Variants in NMNAT2 observed in about 807,000 individuals in gnomAD.
NMNAT2 encodes nicotinamide nucleotide adenylyltransferase 2.
Under a neutral mutation model 41.6 loss-of-function variants are expected in NMNAT2, and 11 were observed. The observed-to-expected ratio is 0.26, with a 90% CI of 0.17 to 0.44. The LOEUF is 0.44. Among genes scored for constraint, NMNAT2 ranks in the 20% least tolerant of loss-of-function variants. The pLI is 1.00. For missense variants in NMNAT2, 288 were observed against 407.7 expected (o/e 0.71, Z 2.53); for synonymous variants, 148 against 151.2 (o/e 0.98, Z 0.16).
intron 8 of NMNAT2, among the ~76,000 whole-genome samples, chr1:183,277,343 C>A (rs184076983): frequency 1.3e-5 from 2 of 151,554 alleles, no homozygotes; most frequent in African/African-American, 4.9e-5. Flanking sequence ...ATTAGCTGGG[C>A]GTGGTGGCAG....
At chr1:183,284,486 A>C (rs1661349262) in intron 6 of NMNAT2, among the ~76,000 whole-genome samples, 2 of 152,170 alleles carry the variant, frequency 1.3e-5, no homozygotes, top group South Asian at 4.1e-4. Context: ...CACATGGTGG[A>C]ATGTAGCAAG....
At chr1:183,341,957 T>A (rs1439699758) in intron 1 of NMNAT2, among the ~76,000 whole-genome samples, 2 of 151,796 alleles carry the variant, frequency 1.3e-5, no homozygotes, top group African/African-American at 4.8e-5. Flanking sequence ...CACCTATGAA[T>A]TGAGGGGGAA....
intron 8 of NMNAT2, among the ~76,000 whole-genome samples, chr1:183,266,333 G>T (rs1444961019): frequency 6.6e-6 from 1 of 152,096 alleles, no homozygotes; most frequent in African/African-American, 2.4e-5. Context: ...GCCAAATTAT[G>T]TTGCTCCTTG....
chr1:183,362,824 T>A (rs1049116880), intron 1 of NMNAT2, among the ~76,000 whole-genome samples: 1 of 152,218 alleles, frequency 6.6e-6, no homozygotes, highest in South Asian at 2.1e-4. Flanking sequence ...ATGTTTAACT[T>A]TTTGAGAAAC....
At chr1:183,348,648 C>T (rs1662983210) in intron 1 of NMNAT2, among the ~76,000 whole-genome samples, 1 of 152,204 alleles carries the variant, frequency 6.6e-6, no homozygotes, top group Non-Finnish European at 1.5e-5. Flanking sequence ...TTTCCTGATA[C>T]TTGCACAATA....
At chr1:183,378,225 C>G (rs1051407259) in intron 1 of NMNAT2, among the ~76,000 whole-genome samples, 1 of 152,042 alleles carries the variant, frequency 6.6e-6, no homozygotes, top group African/African-American at 2.4e-5. Context: ...AACCCTATCT[C>G]TACTAAAAAT....
intron 6 of NMNAT2, among the ~76,000 whole-genome samples, chr1:183,284,493 C>T (rs1661349519): frequency 6.6e-6 from 1 of 152,192 alleles, no homozygotes; most frequent in Non-Finnish European, 1.5e-5. Context: ...TGGAATGTAG[C>T]AAGTGCCTGC....
At chr1:183,357,374 C>T (rs932207728) in intron 1 of NMNAT2, among the ~76,000 whole-genome samples, 72 of 151,748 alleles carry the variant, frequency 4.7e-4, no homozygotes, top group African/African-American at 1.5e-3. Flanking sequence ...GGACTACAGG[C>T]GCCTGCCACC....
At position 183,265,768 on chromosome 1, in the gene NMNAT2, C is replaced by T. The variant is rs12079047; in HGVS notation, c.652-4465G>A. ...CTTCTGTTAGGCTGAATAATGAACC[C>T]GAAAGATATCCAGGTTCTAATCTCT... On this transcript the variant is annotated intron_variant, in intron 8 of 10. Transcript: ENST00000287713. 9.3e-3 allele frequency among the ~76,000 whole-genome samples: 1,411 copies of T among 152,204 alleles called. 20 individuals are homozygous for T. Among genetic ancestry groups the T allele is most frequent in the African/African-American group, 0.03 (1,260 of 41,526 alleles).
chr1:183,266,682 T>C, intron 8 of NMNAT2: 1 of 178,848 alleles, frequency 5.6e-6, no homozygotes, highest in Non-Finnish European at 1.2e-5. Context: ...TGTGATAGCC[T>C]TAAGGGTTGT....
At chr1:183,354,485 C>T (rs1277446666) in intron 1 of NMNAT2, among the ~76,000 whole-genome samples, 5 of 145,774 alleles carry the variant, frequency 3.4e-5, no homozygotes. Context: ...GATCATGGCT[C>T]ACTGTAGCCT....
intron 1 of NMNAT2, among the ~76,000 whole-genome samples, chr1:183,348,216 GT>G (rs111560366): frequency 1.0e-4 from 15 of 149,922 alleles, no homozygotes; most frequent in South Asian, 4.2e-4. Flanking sequence ...TCTTTTAGAG[GT>G]TTTTTTTTTC....
intron 1 of NMNAT2, among the ~76,000 whole-genome samples, chr1:183,395,058 A>T (rs890276342): frequency 6.6e-6 from 1 of 152,076 alleles, no homozygotes; most frequent in African/African-American, 2.4e-5. Flanking sequence ...GTGACTGCAT[A>T]CTGGCCCAGG....
At chr1:183,366,736 A>G (rs1238219762) in intron 1 of NMNAT2, among the ~76,000 whole-genome samples, 1 of 152,168 alleles carries the variant, frequency 6.6e-6, no homozygotes, top group Non-Finnish European at 1.5e-5. Flanking sequence ...AGAAGCATAG[A>G]TGGATCTTAT....
At position 183,374,976 on chromosome 1, in the gene NMNAT2, T is replaced by C. The variant is rs1335727375; in HGVS notation, c.85+43207A>G. Among the ~76,000 whole-genome samples the C allele has an allele frequency of 2.6e-5, 4 of 152,340 alleles. No individual in the cohort carries two copies. In the East Asian group the frequency reaches 7.7e-4, roughly 29 times the overall value. ...ACATGGTCTGCATTTAGCTTGAGTG[T>C]TGACATTCATCGATCCCTAAATGTT... On this transcript the variant is annotated intron_variant, in intron 1 of 10. Transcript: ENST00000287713.
At chr1:183,274,327 A>C (rs1316972585) in intron 8 of NMNAT2, among the ~76,000 whole-genome samples, 1 of 151,242 alleles carries the variant, frequency 6.6e-6, no homozygotes, top group African/African-American at 2.4e-5. Flanking sequence ...TTATTTATTT[A>C]TTTAGACAGA....
intron 1 of NMNAT2, among the ~76,000 whole-genome samples, chr1:183,363,371 A>C (rs1352559775): frequency 6.6e-6 from 1 of 152,252 alleles, no homozygotes; most frequent in East Asian, 1.9e-4. Context: ...TAAAGCATCA[A>C]ACACAGTTTG....
intron 1 of NMNAT2, among the ~76,000 whole-genome samples, chr1:183,352,702 C>T (rs910175738): frequency 6.6e-6 from 1 of 152,020 alleles, no homozygotes; most frequent in African/African-American, 2.4e-5. Flanking sequence ...ATTGTAAGTC[C>T]GTCTATGAGA....
chr1:183,404,837 T>C (rs917592109), intron 1 of NMNAT2, among the ~76,000 whole-genome samples: 9 of 152,248 alleles, frequency 5.9e-5, no homozygotes, highest in Non-Finnish European at 1.2e-4. Context: ...GCAACCCAAA[T>C]GGTCAAGCAA....
Sources: gnomAD v4.1 joint callset for allele counts (sites outside exome capture counted in the v4.1 genomes callset) on GRCh38, gnomAD v4.1.1 for gene constraint, MANE v1.5 for transcripts, NCBI Gene and HGNC (gene_info 2026-07-23, HGNC 2026-07-21) for gene names.